SBF2: variants seen among roughly 807,000 people sequenced by gnomAD.
The protein encoded by SBF2 is myotubularin-related protein 13.
SBF2 carries 112 observed loss-of-function variants against 225.2 expected under a neutral mutation model. The observed-to-expected ratio is 0.50, with a 90% CI of 0.43 to 0.58. The LOEUF (loss-of-function observed/expected upper bound fraction) is 0.58. SBF2 is among the 20% of genes least tolerant of loss of function. The probability of loss-of-function intolerance (pLI) is 0.00; values close to 1 mark genes in which losing one functional copy is unlikely to be tolerated. For missense variants in SBF2, 1,996 were observed against 2,206.2 expected (o/e 0.90, Z 1.91); for synonymous variants, 763 against 773.3 (o/e 0.99, Z 0.22).
intron 16 of SBF2, among the ~76,000 whole-genome samples, chr11:9,935,235 TC>T (rs928025314): frequency 8.5e-5 from 13 of 152,082 alleles, no homozygotes; most frequent in African/African-American, 3.1e-4. Context: ...TACCTAGGAA[TC>T]CAACTTACAA....
At chr11:10,281,686 AC>A (rs1266384710) in intron 1 of SBF2, among the ~76,000 whole-genome samples, 2 of 152,078 alleles carry the variant, frequency 1.3e-5, no homozygotes, top group East Asian at 3.9e-4. Context: ...GAACACCTAC[AC>A]AATTTCACAA....
chr11:10,180,731 C>G (rs1367942519), intron 2 of SBF2, among the ~76,000 whole-genome samples: 2 of 152,130 alleles, frequency 1.3e-5, no homozygotes, highest in South Asian at 4.1e-4. Flanking sequence ...GGGCTATTTT[C>G]TAGATCTTGT....
chr11:9,793,439 G>C (rs1010208934), intron 33 of SBF2, among the ~76,000 whole-genome samples: 1 of 152,046 alleles, frequency 6.6e-6, no homozygotes, highest in African/African-American at 2.4e-5. Flanking sequence ...ACCCAGGCTG[G>C]AGTGCACTGG....
intron 16 of SBF2, among the ~76,000 whole-genome samples, chr11:9,940,389 AGC>A (rs148498007): frequency 0.11 from 16,364 of 152,102 alleles, 998 homozygotes; most frequent in East Asian, 0.3. Context: ...TGGGCAACAC[AGC>A]GAGACTCTGC....
At chr11:9,986,336 G>C (rs1226230249) in intron 13 of SBF2, among the ~76,000 whole-genome samples, 1 of 152,060 alleles carries the variant, frequency 6.6e-6, no homozygotes, top group Non-Finnish European at 1.5e-5. Context: ...AAGTCTGAAA[G>C]AGCACAAACA....
rs1416834184 is a variant in SBF2 at position 10,004,587 on chromosome 11, A to AAAAAAC, written c.620-1899_620-1898insGTTTTT. 5.2e-4 allele frequency among the ~76,000 whole-genome samples: 77 copies of AAAAAAC among 148,532 alleles called. 2 individuals are homozygous for AAAAAAC. In the East Asian group the frequency reaches 0.015, roughly 28 times the overall value. On this transcript the variant is annotated intron_variant, in intron 6 of 39. Coordinates refer to ENST00000256190, the MANE Select transcript of SBF2 (RefSeq NM_030962.4). ...AGCTACAAAAATTAAAAAAAAAAAA[A>AAAAAAC]AAAAAAAACAAACTACATACCTCCC...
chr11:10,017,175 T>C (rs1948685847), intron 6 of SBF2, among the ~76,000 whole-genome samples: 1 of 152,236 alleles, frequency 6.6e-6, no homozygotes, highest in African/African-American at 2.4e-5. Flanking sequence ...TTAACAAATG[T>C]ATTTGTTTCT....
chr11:9,833,028 T>C lies in SBF2; in HGVS notation c.3456-608A>G, dbSNP rs538520440. On this transcript the variant is annotated intron_variant, in intron 26 of 39. Transcript: ENST00000256190. Reference sequence around the variant, plus strand: ...GATTACCAGATTAATGTCAACTTTATGAGAATGACAAGTCAAATTGTAAAC... The same window carrying C: ...GATTACCAGATTAATGTCAACTTTACGAGAATGACAAGTCAAATTGTAAAC... 1.5e-3 allele frequency among the ~76,000 whole-genome samples: 222 copies of C among 152,352 alleles called. 1 individual carries two copies. The highest frequency in any genetic ancestry group is 5.1e-3 in the African/African-American group (210 of 41,584).
intron 17 of SBF2, among the ~76,000 whole-genome samples, chr11:9,860,447 C>CT (rs747575808): frequency 4.0e-5 from 6 of 151,212 alleles, no homozygotes; most frequent in East Asian, 3.9e-4. Context: ...ATTTTTGTAG[C>CT]TTTTTTTTGT....
intron 2 of SBF2, among the ~76,000 whole-genome samples, chr11:10,137,821 A>G (rs1954454724): frequency 6.6e-6 from 1 of 152,100 alleles, no homozygotes; most frequent in African/African-American, 2.4e-5. Context: ...AGTCTAGTCA[A>G]CATGGTGAAA....
At chr11:10,230,941 G>A (rs373666809) in intron 1 of SBF2, among the ~76,000 whole-genome samples, 37 of 152,242 alleles carry the variant, frequency 2.4e-4, no homozygotes, top group South Asian at 8.3e-4. Flanking sequence ...TCACTTTCAG[G>A]TACACCAATC....
chr11:10,287,043 C>G (rs1269652686), intron 1 of SBF2, among the ~76,000 whole-genome samples: 1 of 152,160 alleles, frequency 6.6e-6, no homozygotes, highest in African/African-American at 2.4e-5. Context: ...TCGTATCATA[C>G]TAAGCAATAA....
At chr11:10,009,891 A>T (rs186680999) in intron 6 of SBF2, among the ~76,000 whole-genome samples, 2 of 152,020 alleles carry the variant, frequency 1.3e-5, no homozygotes, top group African/African-American at 4.8e-5. Flanking sequence ...AAGAATTCCT[A>T]TTTTTCCACA....
At chr11:10,132,161 A>C (rs1954090310) in intron 2 of SBF2, among the ~76,000 whole-genome samples, 1 of 152,240 alleles carries the variant, frequency 6.6e-6, no homozygotes, top group Non-Finnish European at 1.5e-5. Context: ...GTCAAAAGCC[A>C]GGTGGCTGTA....
chr11:9,852,606 G>T, intron 21 of SBF2, 70 bp downstream of exon 21: 2 of 1,101,824 alleles, frequency 1.8e-6, no homozygotes, highest in South Asian at 1.2e-5. Context: ...TCCTTTCCTG[G>T]CACACAGCAG....
chr11:10,133,470 C>G lies in SBF2; in HGVS notation c.141+60432G>C, dbSNP rs1369986670. ...GCCCCGTGGGAGGGCAGCCAAGGCC[C>G]AGCGAGAAATCGAACGCAGTGCCGG... On this transcript the variant is annotated intron_variant, in intron 2 of 39. Coordinates refer to ENST00000256190, the MANE Select transcript of SBF2 (RefSeq NM_030962.4). 7.6e-5 allele frequency among the ~76,000 whole-genome samples: 11 copies of G among 144,652 alleles called. 1 individual carries two copies. Among genetic ancestry groups the G allele is most frequent in the African/African-American group, 2.0e-4 (8 of 40,036 alleles). 94.9% of individuals were successfully genotyped at this position (144,652 alleles called of 152,430 possible). A position where few individuals can be genotyped will look rare whatever the true frequency, so the allele number is the denominator to read the frequency against.
intron 26 of SBF2, among the ~76,000 whole-genome samples, chr11:9,836,485 G>T (rs1347304349): frequency 6.6e-6 from 1 of 152,020 alleles, no homozygotes; most frequent in East Asian, 1.9e-4. Context: ...GTCCATTCTT[G>T]TGTCAGTCCT....
chr11:9,837,052 TTTC>T lies in SBF2; in HGVS notation c.3455+2443_3455+2445del, dbSNP rs564718142. 5.6e-4 allele frequency among the ~76,000 whole-genome samples: 85 copies of T among 152,352 alleles called. 3 individuals are homozygous for T. The South Asian group carries it at 0.017, about 30-fold the overall frequency. ...CTGTGAGTAATGGCAGTTTTATTTC[TTTC>T]TTTTCAATTTTTATACCTTTTATTA... is the stretch of plus-strand genomic sequence containing the variant. On this transcript the variant is annotated intron_variant, in intron 26 of 39. Transcript: ENST00000256190.
rs571228026 is a variant in SBF2, at chr11:10,132,829, C to T, written c.141+61073G>A. 2.2e-4 allele frequency among the ~76,000 whole-genome samples: 33 copies of T among 148,746 alleles called. 1 individual carries two copies. Among genetic ancestry groups the T allele is most frequent in the African/African-American group, 3.0e-4 (12 of 40,312 alleles). ...GGCCGAGTGGCCTGTTTTGTCAGGG[C>T]GCTGATTGGTGCGTTTACAATCCCT... On this transcript the variant is annotated intron_variant, in intron 2 of 39. Transcript: ENST00000256190.
Sources: allele counts gnomAD v4.1 joint callset (sites outside exome capture counted in the v4.1 genomes callset), GRCh38; gene constraint gnomAD v4.1.1; transcripts MANE v1.5; gene names NCBI Gene and HGNC (gene_info 2026-07-23, HGNC 2026-07-21).